Variants in ATG5 observed in about 807,000 individuals in gnomAD.
The protein encoded by ATG5 is autophagy protein 5.
Under a neutral mutation model 36.5 loss-of-function variants are expected in ATG5, and 14 were observed. The observed-to-expected ratio is 0.38, with a 90% CI of 0.25 to 0.60. The LOEUF (loss-of-function observed/expected upper bound fraction) is 0.60, where lower values mean the gene tolerates loss of function less well. ATG5 is among the 20% of genes least tolerant of loss of function. The pLI is 0.60. For missense variants in ATG5, 195 were observed against 326.7 expected (o/e 0.60, Z 3.11); for synonymous variants, 95 against 101.5 (o/e 0.94, Z 0.38).
At chr6:106,236,930 A>G (rs1777926735) in intron 6 of ATG5, among the ~76,000 whole-genome samples, 1 of 152,198 alleles carries the variant, frequency 6.6e-6, no homozygotes, top group African/African-American at 2.4e-5. Flanking sequence ...ATGCATGCAC[A>G]TACATCTACA....
chr6:106,194,103 C>T (rs1217176543), intron 7 of ATG5, among the ~76,000 whole-genome samples: 7 of 152,072 alleles, frequency 4.6e-5, no homozygotes, highest in Non-Finnish European at 1.0e-4. Flanking sequence ...ATTATTATTG[C>T]CCAAATCAAA....
At chr6:106,321,610 G>A (rs1363790864) in intron 1 of ATG5, among the ~76,000 whole-genome samples, 1 of 151,824 alleles carries the variant, frequency 6.6e-6, no homozygotes, top group African/African-American at 2.4e-5. Context: ...CGCCTGCCTC[G>A]GCCTCCCAAA....
chr6:106,244,270 A>T (rs967246062), intron 6 of ATG5, among the ~76,000 whole-genome samples: 2 of 152,206 alleles, frequency 1.3e-5, no homozygotes, highest in African/African-American at 4.8e-5. Context: ...TAACATGTAG[A>T]ACAAAGTAGA....
intron 5 of ATG5, among the ~76,000 whole-genome samples, chr6:106,263,335 G>A (rs1056309977): frequency 7.9e-5 from 12 of 152,172 alleles, no homozygotes; most frequent in African/African-American, 2.9e-4. Flanking sequence ...AAAGGTAATG[G>A]CCCCACTCAT....
intron 2 of ATG5, among the ~76,000 whole-genome samples, chr6:106,310,419 C>T (rs1444790322): frequency 2.0e-5 from 3 of 151,926 alleles, no homozygotes; most frequent in Middle Eastern, 3.2e-3. Flanking sequence ...TACAATTTAC[C>T]TAGGAAATAT....
At chr6:106,301,180 ATT>A (rs1770191600) in intron 3 of ATG5, among the ~76,000 whole-genome samples, 1 of 152,072 alleles carries the variant, frequency 6.6e-6, no homozygotes, top group Admixed American at 6.6e-5. Flanking sequence ...AAGAGACTCT[ATT>A]TTGAGTTAGG....
At chr6:106,286,652 T>C (rs548145613) in intron 4 of ATG5, among the ~76,000 whole-genome samples, 16 of 152,284 alleles carry the variant, frequency 1.1e-4, no homozygotes, top group African/African-American at 3.6e-4. Context: ...ACCCCAGTGA[T>C]TAAGTCATGT....
chr6:106,304,650 A>G lies in ATG5; in HGVS notation c.236+3714T>C, dbSNP rs371952787. On this transcript the variant is annotated intron_variant, in intron 3 of 7. Coordinates refer to ENST00000369076, the MANE Select transcript of ATG5 (RefSeq NM_004849.4). ...AAACAACTGAGATGGAAATCAGATC[A>G]GTAATTACTGTGAGTTGGGGGAAGG... 8.6e-4 allele frequency among the ~76,000 whole-genome samples: 131 copies of G among 152,368 alleles called. 1 individual carries two copies. The South Asian group carries it at 0.027, about 31-fold the overall frequency.
intron 6 of ATG5, among the ~76,000 whole-genome samples, chr6:106,210,786 CAT>C (rs1353798125): frequency 6.6e-6 from 1 of 152,156 alleles, no homozygotes; most frequent in Non-Finnish European, 1.5e-5. Context: ...GTATATACCT[CAT>C]AGATTTTTTT....
chr6:106,236,802 T>TA (rs1777920743), intron 6 of ATG5, among the ~76,000 whole-genome samples: 1 of 152,196 alleles, frequency 6.6e-6, no homozygotes, highest in African/African-American at 2.4e-5. Flanking sequence ...CTGGTTTGCT[T>TA]AGTCTATTAT....
At chr6:106,266,120 A>T (rs1779220749) in intron 5 of ATG5, among the ~76,000 whole-genome samples, 1 of 152,178 alleles carries the variant, frequency 6.6e-6, no homozygotes, top group South Asian at 2.1e-4. Context: ...AAAGAAGAAA[A>T]GAGAGAAGAA....
intron 2 of ATG5, among the ~76,000 whole-genome samples, chr6:106,315,491 T>A (rs1385798368): frequency 6.6e-6 from 1 of 152,136 alleles, no homozygotes; most frequent in Non-Finnish European, 1.5e-5. Flanking sequence ...GAAAAGTGTT[T>A]GTAAAATACA....
At chr6:106,247,992 C>T (rs374499948) in intron 6 of ATG5, among the ~76,000 whole-genome samples, 158 bp downstream of exon 6, 17 of 152,124 alleles carry the variant, frequency 1.1e-4, no homozygotes, top group Non-Finnish European at 2.2e-4. Context: ...TATTTCAGTG[C>T]GGTATCTGAC....
At chr6:106,191,395 G>A (rs977677103) in intron 7 of ATG5, among the ~76,000 whole-genome samples, 2 of 152,062 alleles carry the variant, frequency 1.3e-5, no homozygotes, top group Non-Finnish European at 2.9e-5. Context: ...AACTCTGTGG[G>A]TCAGTTTGCA....
intron 6 of ATG5, among the ~76,000 whole-genome samples, chr6:106,208,235 CAT>C (rs1462515103): frequency 1.3e-5 from 2 of 152,282 alleles, no homozygotes; most frequent in East Asian, 3.9e-4. Flanking sequence ...TGTGTAAACA[CAT>C]ATGTGTATAT....
intron 7 of ATG5, among the ~76,000 whole-genome samples, chr6:106,200,653 G>A (rs1412747824): frequency 6.6e-6 from 1 of 151,826 alleles, no homozygotes; most frequent in African/African-American, 2.4e-5. Flanking sequence ...TTTTTTTTGT[G>A]TGTTTTTTAG....
intron 4 of ATG5, among the ~76,000 whole-genome samples, chr6:106,285,396 A>G (rs1376626886): frequency 6.6e-6 from 1 of 152,018 alleles, no homozygotes; most frequent in African/African-American, 2.4e-5. Context: ...TTTCTTGCTT[A>G]TTTGCAAGTC....
intron 6 of ATG5, among the ~76,000 whole-genome samples, chr6:106,239,321 T>C (rs80349423): frequency 6.6e-6 from 1 of 152,144 alleles, no homozygotes; most frequent in African/African-American, 2.4e-5. Flanking sequence ...TTAAAATCTA[T>C]GCAGAACATA....
Position 106,222,666 on chromosome 6 carries a change from T to A in ATG5, c.574-20577A>T, listed in dbSNP as rs527903419. ...AAATAAAAGTAATGAACTTAATATA[T>A]GAAAGGTAATAATGATTAAGAGCAT... On this transcript the variant is annotated intron_variant, in intron 6 of 7. Coordinates refer to ENST00000369076, the MANE Select transcript of ATG5 (RefSeq NM_004849.4). Among the ~76,000 whole-genome samples the A allele has an allele frequency of 1.8e-4, 27 of 152,296 alleles. No homozygotes were observed. The South Asian group carries it at 5.4e-3, about 30-fold the overall frequency.
Sources: gnomAD v4.1 joint callset for allele counts (sites outside exome capture counted in the v4.1 genomes callset) on GRCh38, gnomAD v4.1.1 for gene constraint, MANE v1.5 for transcripts, NCBI Gene and HGNC (gene_info 2026-07-23, HGNC 2026-07-21) for gene names.